The following LMNTD2 variants were observed in gnomAD, a reference collection of about 807,000 sequenced individuals.
The protein encoded by LMNTD2 is lamin tail domain-containing protein 2.
In LMNTD2, 83 loss-of-function variants were observed where a neutral mutation model predicts 70.1. The observed-to-expected ratio is 1.18, with a 90% confidence interval of 0.99 to 1.42. The LOEUF is 1.42. Among genes scored for constraint, LMNTD2 ranks in the 40% most tolerant of loss-of-function variants. The pLI, the probability that LMNTD2 is intolerant of heterozygous loss-of-function variation, is 0.00. For synonymous variants in LMNTD2, 534 were observed against 406.1 expected, an observed-to-expected ratio of 1.31 and a Z score of -3.79; for missense variants, 1,153 against 905.9, an observed-to-expected ratio of 1.27 and a Z score of -3.50.
chr11:555,290 C>G lies in LMNTD2; in HGVS notation c.1773+15G>C. 3 of 1,388,438 alleles carry G rather than the reference C, an allele frequency of 2.2e-6. No homozygotes were observed. Among genetic ancestry groups the G allele is most frequent in the Non-Finnish European group, 2.8e-6 (3 of 1,072,980 alleles). The allele number at this position is 1,388,438 out of a possible 1,614,324, so 86.0% of individuals were successfully genotyped here. On this transcript the variant is annotated intron_variant, in intron 13 of 13. Coordinates refer to ENST00000329451, the MANE Select transcript of LMNTD2 (RefSeq NM_173573.3). ...GGAGGGAGAGGAGGGGGCGCACCCG[C>G]AAGCGCGCACTCACCCGAACTCGGT...
chr11:556,963 G>A lies in LMNTD2; in HGVS notation c.848C>T (p.Ser283Phe), dbSNP rs774250126. ...LNTSSSGGAD[S>F]DSSSCRPGLP... ...GCCCGGCCGGCAGCTGCTGGAGTCG[G>A]AGTCAGCGCCCCCTGAGCTGCTGGT... The change falls in exon 8 of 14, where the codon TCC becomes TTC. Residue 283 changes from serine (S) to phenylalanine (F), a missense_variant. Ser to Phe is a radical substitution (Grantham distance 155). Transcript: ENST00000329451. The A allele has an allele frequency of 1.2e-6, 2 of 1,605,178 alleles. No homozygotes were observed. The highest frequency in any genetic ancestry group is 1.3e-5 in the African/African-American group (1 of 75,016).
At chr11:559,592 C>G in intron 1 of LMNTD2, 1 of 1,186,826 alleles carries the variant, frequency 8.4e-7, no homozygotes. Flanking sequence ...CATCCCCTAC[C>G]TAGCCTGGCA....
chr11:557,671 G>A (rs752511586), intron 5 of LMNTD2, 31 bp from the exon 6 acceptor site: 3 of 1,612,950 alleles, frequency 1.9e-6, no homozygotes, highest in Non-Finnish European at 2.5e-6. Flanking sequence ...CCAGTGGGCA[G>A]GGGCTGGGTG....
chr11:558,095 C>T (rs1283728601), intron 4 of LMNTD2, 56 bp from the exon 5 acceptor site: 1 of 1,600,246 alleles, frequency 6.2e-7, no homozygotes, highest in Admixed American at 1.7e-5. Context: ...CAGAAGGCCC[C>T]CAGGCCAGCC....
In LMNTD2 at chr11:558,983, T is replaced by G. The variant is rs4598631; in HGVS notation, c.35-4A>C. On this transcript the variant is annotated splice_region_variant and splice_polypyrimidine_tract_variant and intron_variant, in intron 1 of 13. Transcript: ENST00000329451. The stretch of plus-strand genomic sequence containing the variant: ...TGACCACTGACCGACTCTTGCTCTG[T>G]GGGGGACAGGAGAGCCTCTTCCTCG... 1,397 of 1,598,868 alleles carry G rather than the reference T, an allele frequency of 8.7e-4. 9 individuals are homozygous for G. In the Middle Eastern group the frequency reaches 0.016, roughly 19 times the overall value.
rs1313621910 is a variant in LMNTD2, at chr11:556,098, G to T, written c.1275C>A (p.Thr425=). The change falls in exon 11 of 14, where the codon ACC becomes ACA. Residue 425 remains threonine, a synonymous_variant. Transcript: ENST00000329451. ...RHHVTVWGEA[T]RSAKKPLRAS... ...CGCGCAGCGGCTTCTTGGCGCTGCG[G>T]GTCGCCTCGCCCCAGACCTGGAGGG... 4.6e-6 allele frequency: 7 copies of T among 1,524,252 alleles called. No individual in the cohort carries two copies. The highest frequency in any genetic ancestry group is 6.1e-6 in the Non-Finnish European group (7 of 1,146,626). The allele number at this position is 1,524,252 out of a possible 1,614,324, so 94.4% of individuals were successfully genotyped here. A position where few individuals can be genotyped will look rare whatever the true frequency, so the allele number is the denominator to read the frequency against.
chr11:557,356 C>T (rs753481773), intron 7 of LMNTD2, 43 bp downstream of exon 7: 4 of 1,554,982 alleles, frequency 2.6e-6, no homozygotes, highest in South Asian at 2.4e-5. Context: ...CAAGGTGAGC[C>T]CTCCCTTCTG....
chr11:555,489 A>G lies in LMNTD2; in HGVS notation c.1589T>C (p.Leu530Pro). 1 of 1,366,382 alleles carries G rather than the reference A, an allele frequency of 7.3e-7. No homozygotes were observed. The highest frequency in any genetic ancestry group is 1.9e-5 in the South Asian group (1 of 53,914). 84.6% of individuals were successfully genotyped at this position (1,366,382 alleles called of 1,614,324 possible). A position where few individuals can be genotyped will look rare whatever the true frequency, so the allele number is the denominator to read the frequency against. The change falls in exon 13 of 14, where the codon CTG becomes CCG. Residue 530 changes from leucine to proline, a missense_variant. Leu to Pro is a moderately conservative substitution (Grantham distance 98). Transcript: ENST00000329451. ...SRRRPGTRGL[L>P]PPVSSGKLFH... ...GAGCTTCCCCGAGCTCACTGGGGGC[A>G]GCAGGCCCCGCGTCCTGGTGGGGCG...
In LMNTD2 at chr11:556,300, GCT is replaced by G; in HGVS notation, c.1147_1148del (p.Ser383HisfsTer80). 1 of 1,535,596 alleles carries G rather than the reference GCT, an allele frequency of 6.5e-7. No homozygotes were observed. The highest frequency in any genetic ancestry group is 2.0e-5 in the Admixed American group (1 of 50,992). The stretch of plus-strand genomic sequence containing the variant: ...GCACCATGCCGCTCAGGTCGGCCGT[GCT>G]CTCCTGCGACGGGTTGAAGATGCGG... The part of the protein sequence containing the change: ...FVRIFNPSQE[S>X]TADLSGMVLK... On this transcript the variant is annotated frameshift_variant, in exon 10 of 14. Transcript: ENST00000329451. LOFTEE classifies it high-confidence loss of function.
rs760119718 is a variant in LMNTD2 at position 556,869 on chromosome 11, C to T, written c.942G>A (p.Leu314=). 6.9e-6 allele frequency: 11 copies of T among 1,590,402 alleles called. No homozygotes were observed. The highest frequency in any genetic ancestry group is 9.4e-6 in the Non-Finnish European group (11 of 1,168,870). The part of the protein sequence containing the change: ...RDHRASSEQA[L]VQAGSYSRDS... ...CCCTGCTGTAGCTGCCGGCCTGCAC[C>T]AGCGCTTGCTCGGAGGAAGCGCGGT... is the stretch of plus-strand genomic sequence containing the variant. The change falls in exon 8 of 14, where the codon CTG becomes CTA. Residue 314 remains leucine (L), a synonymous_variant. Transcript: ENST00000329451.
Position 557,582 on chromosome 11 carries a change from G to A in LMNTD2, c.614C>T (p.Pro205Leu). Residue 205 changes from proline (P) to leucine (L), a missense_variant, in exon 6 of 14, where the codon CCC becomes CTC. By Grantham distance (98) the Pro-to-Leu change is moderately conservative. Transcript: ENST00000329451. ...GGAGGCCTAGCTCACCTCCCCGGTG[G>A]GGGCCTGAATGTTTTCAGAGAGGTC... ...PSDLSENIQA[P>L]TGEGFRLEDV... 1 of 1,613,398 alleles carries A rather than the reference G, an allele frequency of 6.2e-7. No homozygotes were observed. The highest frequency in any genetic ancestry group is 1.1e-5 in the South Asian group (1 of 91,080).
intron 1 of LMNTD2, chr11:560,141 T>C (rs530867982): frequency 1.1e-4 from 27 of 239,682 alleles, no homozygotes; most frequent in African/African-American, 5.3e-4. Flanking sequence ...CTTTCGGCTA[T>C]GTAAGGGCTC....
chr11:557,263 G>C (rs1259865242), intron 7 of LMNTD2, 136 bp downstream of exon 7: 1 of 1,362,404 alleles, frequency 7.3e-7, no homozygotes, highest in Non-Finnish European at 1.0e-6. Flanking sequence ...GCATTCTACA[G>C]ATCAGAGAAC....
Position 556,897 on chromosome 11 carries a change from T to A in LMNTD2, c.914A>T (p.Asp305Val). The part of the protein sequence containing the change: ...FVQVIGHPPR[D>V]HRASSEQALV... The stretch of plus-strand genomic sequence containing the variant: ...CGCTTGCTCGGAGGAAGCGCGGTGG[T>A]CCCGGGGCGGGTGCCCTATCACCTG... Residue 305 changes from aspartate (D) to valine (V), a missense_variant, in exon 8 of 14, where the codon GAC becomes GTC. By Grantham distance (152) the Asp-to-Val change is radical. Transcript: ENST00000329451. The A allele has an allele frequency of 1.3e-6, 2 of 1,597,022 alleles. No individual in the cohort carries two copies. The highest frequency in any genetic ancestry group is 1.3e-5 in the African/African-American group (1 of 74,808).
In LMNTD2 at chr11:556,349, A is replaced by C. The variant is rs1014567531; in HGVS notation, c.1100T>G (p.Val367Gly). The change falls in exon 10 of 14, where the codon GTG becomes GGG. Residue 367 changes from valine (V) to glycine (G), a missense_variant. Val to Gly is a moderately radical substitution (Grantham distance 109). Coordinates refer to ENST00000329451, the MANE Select transcript of LMNTD2 (RefSeq NM_173573.3). ...QSPTGLKIVA[V>G]SCREKFVRIF... ...GCGGACGAACTTCTCCCGGCAGCTC[A>C]CAGCCACGATCTTCAGGCCTGTCGG... The C allele has an allele frequency of 2.6e-6, 4 of 1,535,852 alleles. No individual in the cohort carries two copies. The highest frequency in any genetic ancestry group is 3.5e-6 in the Non-Finnish European group (4 of 1,146,372).
intron 8 of LMNTD2, 24 bp from the exon 9 acceptor site, chr11:556,612 G>A (rs1852894357): frequency 2.0e-6 from 3 of 1,489,416 alleles, no homozygotes; most frequent in Non-Finnish European, 1.8e-6. Flanking sequence ...CGCTTTTGGG[G>A]AGGGGACCCT....
chr11:557,689 A>G (rs1426070295), intron 5 of LMNTD2, 49 bp from the exon 6 acceptor site: 3 of 1,612,282 alleles, frequency 1.9e-6, no homozygotes, highest in Non-Finnish European at 1.7e-6. Flanking sequence ...GTGCTCCCCT[A>G]CAGCACCTCT....
chr11:555,197 G>A, intron 13 of LMNTD2, 86 bp from the exon 14 acceptor site: 4 of 494,224 alleles, frequency 8.1e-6, no homozygotes, highest in Non-Finnish European at 1.2e-5. Flanking sequence ...GGGCGGGGAG[G>A]AGAGCGGAGG....
chr11:556,172 G>A lies in LMNTD2; in HGVS notation c.1257+20C>T. ...GGCCGGGCCGGGCCGTCGGGGCCGG[G>A]CTCCCGGGCCGGGGCGCACCGTGAC... On this transcript the variant is annotated intron_variant, in intron 10 of 13. Coordinates refer to ENST00000329451, the MANE Select transcript of LMNTD2 (RefSeq NM_173573.3). 1 of 1,328,852 alleles carries A rather than the reference G, an allele frequency of 7.5e-7. No individual in the cohort carries two copies. The highest frequency in any genetic ancestry group is 9.5e-7 in the Non-Finnish European group (1 of 1,048,028). The allele number at this position is 1,328,852 out of a possible 1,614,324, so 82.3% of individuals were successfully genotyped here.
Sources: gnomAD v4.1 joint callset for allele counts on GRCh38, gnomAD v4.1.1 for gene constraint, MANE v1.5 for transcripts, NCBI Gene and HGNC (gene_info 2026-07-23, HGNC 2026-07-21) for gene names.